The following PANX1 variants were observed in gnomAD, a reference collection of about 807,000 sequenced individuals.
The protein encoded by PANX1 is pannexin 1.
Under a neutral mutation model 38.7 loss-of-function variants are expected in PANX1, and 30 were observed. The ratio of observed to expected loss-of-function variants is 0.78; its 90% confidence interval spans 0.58 to 1.05. The LOEUF (loss-of-function observed/expected upper bound fraction) is 1.05. PANX1 is among the 50% of genes least tolerant of loss of function. The pLI, the probability that PANX1 is intolerant of heterozygous loss-of-function variation, is 0.00. For synonymous variants in PANX1, 230 were observed against 212.2 expected (o/e 1.08, Z -0.73); for missense variants, 551 against 517.2 (o/e 1.07, Z -0.63).
At chr11:94,165,458 C>T (rs1342793541) in intron 2 of PANX1, among the ~76,000 whole-genome samples, 1 of 152,102 alleles carries the variant, frequency 6.6e-6, no homozygotes, top group East Asian at 1.9e-4. Context: ...ATCAAATTCA[C>T]ACATAACAAT....
At chr11:94,136,084 T>G (rs774845302) in intron 1 of PANX1, among the ~76,000 whole-genome samples, 1 of 152,092 alleles carries the variant, frequency 6.6e-6, no homozygotes, top group Non-Finnish European at 1.5e-5. Context: ...ATTTCTCTCC[T>G]CCCAGCATTA....
intron 2 of PANX1, among the ~76,000 whole-genome samples, chr11:94,160,285 T>C (rs1420003937): frequency 6.6e-6 from 1 of 152,192 alleles, no homozygotes; most frequent in Non-Finnish European, 1.5e-5. Context: ...ATATCCTTGT[T>C]AACTTTCTGT....
intron 1 of PANX1, among the ~76,000 whole-genome samples, chr11:94,130,764 C>G (rs139770596): frequency 6.6e-6 from 1 of 152,032 alleles, no homozygotes; most frequent in Non-Finnish European, 1.5e-5. Flanking sequence ...ACTGGTCAAA[C>G]GTGCTGCGGA....
intron 2 of PANX1, chr11:94,175,732 T>A (rs1294921040): frequency 2.6e-5 from 26 of 984,322 alleles, no homozygotes; most frequent in Non-Finnish European, 3.0e-5. Flanking sequence ...AAATGAACAT[T>A]CCTTCTCCCC....
intron 2 of PANX1, among the ~76,000 whole-genome samples, chr11:94,159,695 T>C (rs1946998934): frequency 6.6e-6 from 1 of 152,052 alleles, no homozygotes; most frequent in African/African-American, 2.4e-5. Context: ...ATTTATTGGT[T>C]GTTTGAAGGG....
intron 1 of PANX1, among the ~76,000 whole-genome samples, chr11:94,145,459 T>A (rs1184326372): frequency 1.3e-5 from 2 of 152,260 alleles, no homozygotes; most frequent in East Asian, 3.8e-4. Context: ...TATCAATAGT[T>A]GTATAGCAGA....
intron 2 of PANX1, among the ~76,000 whole-genome samples, chr11:94,168,061 A>C (rs942123049): frequency 6.6e-5 from 10 of 152,166 alleles, no homozygotes; most frequent in African/African-American, 2.4e-4. Flanking sequence ...TGAAGAGTGA[A>C]TGGGAGGTAA....
At chr11:94,157,092 G>A (rs1441207313) in intron 2 of PANX1, among the ~76,000 whole-genome samples, 1 of 152,080 alleles carries the variant, frequency 6.6e-6, no homozygotes, top group African/African-American at 2.4e-5. Flanking sequence ...ATTCCATGGT[G>A]TATATGTGCC....
chr11:94,178,415 C>T lies in PANX1; in HGVS notation c.368C>T (p.Pro123Leu). 4.3e-6 allele frequency: 7 copies of T among 1,614,076 alleles called. No homozygotes were observed. The highest frequency in any genetic ancestry group is 5.1e-6 in the Non-Finnish European group (6 of 1,179,980). Residue 123 changes from proline to leucine, a missense_variant, in exon 3 of 5, where the codon CCC becomes CTC. Coordinates refer to ENST00000227638, the MANE Select transcript of PANX1 (RefSeq NM_015368.4). ...CTCTTTGCGATCCTCCTGTACCTGC[C>T]CCCGCTGTTCTGGCGTTTCGCAGCT... ...LLLFAILLYL[P>L]PLFWRFAAAP...
intron 2 of PANX1, among the ~76,000 whole-genome samples, chr11:94,158,500 C>G (rs1456090023): frequency 6.6e-5 from 10 of 151,650 alleles, no homozygotes. Flanking sequence ...ATTTTATTCT[C>G]TTTGAAGCAA....
At chr11:94,143,041 G>C (rs1348354387) in intron 1 of PANX1, among the ~76,000 whole-genome samples, 1 of 152,228 alleles carries the variant, frequency 6.6e-6, no homozygotes, top group Non-Finnish European at 1.5e-5. Context: ...GAGATCTCAT[G>C]ACCAGTTGTC....
Position 94,136,518 on chromosome 11 carries a change from T to C in PANX1, c.181+7025T>C, listed in dbSNP as rs1263616324. 3.9e-5 allele frequency among the ~76,000 whole-genome samples: 6 copies of C among 152,320 alleles called. No homozygotes were observed. In the East Asian group the frequency reaches 9.6e-4, roughly 24 times the overall value. On this transcript the variant is annotated intron_variant, in intron 1 of 4. Coordinates refer to ENST00000227638, the MANE Select transcript of PANX1 (RefSeq NM_015368.4). ...CATATCGGCCGGGCGCGGTGACTCATGCTTGTAATCCCAGCACTTTGGGAG... is the reference window on the plus strand; with the variant it reads ...CATATCGGCCGGGCGCGGTGACTCACGCTTGTAATCCCAGCACTTTGGGAG...
At chr11:94,144,797 T>C (rs2134484381) in intron 1 of PANX1, among the ~76,000 whole-genome samples, 1 of 152,188 alleles carries the variant, frequency 6.6e-6, no homozygotes, top group Admixed American at 6.5e-5. Flanking sequence ...GACCACACAC[T>C]CAGGGCTGAA....
chr11:94,150,412 T>C (rs1946870464), intron 1 of PANX1, among the ~76,000 whole-genome samples: 1 of 152,218 alleles, frequency 6.6e-6, no homozygotes, highest in South Asian at 2.1e-4. Context: ...TGACTCAGAC[T>C]ACTTGGAAAA....
Position 94,179,978 on chromosome 11 carries a change from G to A in PANX1, c.922G>A (p.Val308Met), listed in dbSNP as rs756205250. The change falls in exon 4 of 5, where the codon GTG becomes ATG. Residue 308 changes from valine to methionine, a missense_variant. Val to Met is a conservative substitution (Grantham distance 21). Coordinates refer to ENST00000227638, the MANE Select transcript of PANX1 (RefSeq NM_015368.4). Reference protein sequence around the residue: ...PFRQKTDVLKVYEILPTFDVL... With the variant: ...PFRQKTDVLKMYEILPTFDVL... ...CCGACAGAAGACAGATGTTCTCAAA[G>A]TGTACGAAATCCTCCCCACTTTTGA... 1.9e-6 allele frequency: 3 copies of A among 1,596,476 alleles called. No individual in the cohort carries two copies. The highest frequency in any genetic ancestry group is 2.6e-6 in the Non-Finnish European group (3 of 1,168,870).
intron 2 of PANX1, among the ~76,000 whole-genome samples, chr11:94,176,167 T>G (rs1488556164): frequency 6.6e-6 from 1 of 151,722 alleles, no homozygotes; most frequent in Admixed American, 6.6e-5. Context: ...TCTTCACTAC[T>G]TCAAAGTTTC....
chr11:94,169,730 G>C (rs1446180259), intron 2 of PANX1, among the ~76,000 whole-genome samples: 1 of 151,654 alleles, frequency 6.6e-6, no homozygotes, highest in Non-Finnish European at 1.5e-5. Flanking sequence ...AGGAATGCTG[G>C]GGCGACTGGA....
intron 1 of PANX1, among the ~76,000 whole-genome samples, chr11:94,142,436 A>G (rs1250176391): frequency 1.3e-5 from 2 of 152,146 alleles, no homozygotes; most frequent in East Asian, 3.9e-4. Flanking sequence ...TCACCCCAGG[A>G]TGTCCTTTAT....
chr11:94,136,196 GA>G (rs879704053), intron 1 of PANX1, among the ~76,000 whole-genome samples: 62 of 143,744 alleles, frequency 4.3e-4, no homozygotes, highest in Admixed American at 1.3e-3. Context: ...ATAAGTGGAA[GA>G]AAAAAAAAAA....
Sources: gnomAD v4.1 joint callset for allele counts (sites outside exome capture counted in the v4.1 genomes callset) on GRCh38, gnomAD v4.1.1 for gene constraint, MANE v1.5 for transcripts, NCBI Gene and HGNC (gene_info 2026-07-23, HGNC 2026-07-21) for gene names.